The following CBLB variants were observed in gnomAD, a reference collection of about 807,000 sequenced individuals.
The protein encoded by CBLB is E3 ubiquitin-protein ligase CBL-B.
In CBLB, 31 loss-of-function variants were observed where a neutral mutation model predicts 104.9. The observed-to-expected ratio is 0.30, with a 90% CI of 0.22 to 0.40. The LOEUF is 0.40. Among genes scored for constraint, CBLB ranks in the 10% least tolerant of loss-of-function variants. The pLI is 1.00. For synonymous variants in CBLB, 440 were observed against 422.6 expected (o/e 1.04, Z -0.51); for missense variants, 1,062 against 1,214.6 (o/e 0.87, Z 1.87).
intron 3 of CBLB, among the ~76,000 whole-genome samples, chr3:105,787,381 C>T (rs1186629149): frequency 6.6e-6 from 1 of 152,162 alleles, no homozygotes; most frequent in East Asian, 1.9e-4. Flanking sequence ...ACAACTCTGC[C>T]CTTCACACTA....
chr3:105,760,200 A>G (rs1216482908), intron 4 of CBLB, among the ~76,000 whole-genome samples: 1 of 152,222 alleles, frequency 6.6e-6, no homozygotes, highest in Non-Finnish European at 1.5e-5. Flanking sequence ...TCATAAAATT[A>G]TTTGTACATA....
intron 12 of CBLB, among the ~76,000 whole-genome samples, chr3:105,700,331 A>G (rs1286938264): frequency 6.6e-6 from 1 of 152,118 alleles, no homozygotes; most frequent in Non-Finnish European, 1.5e-5. Flanking sequence ...TATAACAACT[A>G]TTATATTTCA....
chr3:105,721,229 G>C (rs1383234241), intron 9 of CBLB, among the ~76,000 whole-genome samples: 1 of 152,192 alleles, frequency 6.6e-6, no homozygotes, highest in South Asian at 2.1e-4. Flanking sequence ...GGCAAGACAA[G>C]GGATGCAGAG....
intron 3 of CBLB, among the ~76,000 whole-genome samples, chr3:105,788,304 A>G (rs998047219): frequency 1.3e-5 from 2 of 152,156 alleles, no homozygotes; most frequent in African/African-American, 4.8e-5. Context: ...TTATCTGCCT[A>G]TACCATTGAA....
chr3:105,826,302 C>T (rs1020692891), intron 3 of CBLB, among the ~76,000 whole-genome samples: 1 of 152,062 alleles, frequency 6.6e-6, no homozygotes, highest in Admixed American at 6.5e-5. Flanking sequence ...AGTAATAAAA[C>T]CATATAACAA....
At chr3:105,811,215 A>T (rs1381922992) in intron 3 of CBLB, among the ~76,000 whole-genome samples, 1 of 152,166 alleles carries the variant, frequency 6.6e-6, no homozygotes, top group Non-Finnish European at 1.5e-5. Flanking sequence ...ATAGAACTAA[A>T]TTTTTTGAGT....
At chr3:105,778,531 T>C (rs2079759435) in intron 3 of CBLB, among the ~76,000 whole-genome samples, 1 of 151,968 alleles carries the variant, frequency 6.6e-6, no homozygotes, top group Non-Finnish European at 1.5e-5. Flanking sequence ...TTCTATAAAA[T>C]CAATAAATTC....
At chr3:105,710,705 G>T (rs2070943207) in intron 10 of CBLB, among the ~76,000 whole-genome samples, 1 of 151,830 alleles carries the variant, frequency 6.6e-6, no homozygotes, top group Non-Finnish European at 1.5e-5. Flanking sequence ...TAACAGATGA[G>T]AACATCTTTT....
intron 14 of CBLB, among the ~76,000 whole-genome samples, chr3:105,684,925 A>C (rs909595962): frequency 2.0e-5 from 3 of 152,214 alleles, no homozygotes; most frequent in Non-Finnish European, 2.9e-5. Flanking sequence ...TAAGAGAAAC[A>C]CCTTGGTATT....
At chr3:105,825,053 T>C (rs1053600077) in intron 3 of CBLB, among the ~76,000 whole-genome samples, 4 of 152,184 alleles carry the variant, frequency 2.6e-5, no homozygotes, top group African/African-American at 7.2e-5. Flanking sequence ...AATTATAGCA[T>C]GTTTGTATAT....
intron 12 of CBLB, among the ~76,000 whole-genome samples, chr3:105,696,341 A>ATT (rs2068386234): frequency 6.6e-6 from 1 of 151,804 alleles, no homozygotes; most frequent in South Asian, 2.1e-4. Flanking sequence ...AAGATTTAAC[A>ATT]TTATGTCATT....
At chr3:105,711,397 A>T (rs751969453) in intron 10 of CBLB, among the ~76,000 whole-genome samples, 13 of 152,038 alleles carry the variant, frequency 8.6e-5, no homozygotes, top group Non-Finnish European at 1.6e-4. Flanking sequence ...TACTATTCTC[A>T]GTTTTTTCAC....
intron 3 of CBLB, among the ~76,000 whole-genome samples, chr3:105,786,760 T>C (rs944345236): frequency 6.6e-6 from 1 of 152,140 alleles, no homozygotes; most frequent in East Asian, 1.9e-4. Context: ...TATAATAGTC[T>C]CCTAAAAAAT....
In CBLB at chr3:105,836,018, A is replaced by G. The variant is rs150449562; in HGVS notation, c.419+17396T>C. Among the ~76,000 whole-genome samples the G allele has an allele frequency of 2.0e-5, 3 of 152,338 alleles. No individual in the cohort carries two copies. In the East Asian group the frequency reaches 5.8e-4, roughly 29 times the overall value. On this transcript the variant is annotated intron_variant, in intron 3 of 18. Coordinates refer to ENST00000394030, the MANE Select transcript of CBLB (RefSeq NM_170662.5). ...ACAATACATCTACACTGATCTTCCA[A>G]TATAAAGGTTACCTCGAGTGATTAG...
At chr3:105,673,173 A>G (rs1326655231) in intron 17 of CBLB, 1 of 151,054 alleles carries the variant, frequency 6.6e-6, no homozygotes, top group Non-Finnish European at 1.5e-5. Context: ...GGCACAAGCC[A>G]TTCTCTTGCC....
chr3:105,670,499 C>T (rs187442472), intron 17 of CBLB, 147 bp from the exon 18 acceptor site: 210 of 650,800 alleles, frequency 3.2e-4, no homozygotes, highest in Non-Finnish European at 3.8e-4. Flanking sequence ...CCATTTTTTA[C>T]TGCCTGCATA....
At chr3:105,787,714 T>C (rs1269209859) in intron 3 of CBLB, among the ~76,000 whole-genome samples, 5 of 152,212 alleles carry the variant, frequency 3.3e-5, no homozygotes, top group African/African-American at 9.6e-5. Flanking sequence ...GAATCTAACA[T>C]AGAAAACTCA....
intron 13 of CBLB, among the ~76,000 whole-genome samples, chr3:105,690,586 G>A (rs2067554781): frequency 6.6e-6 from 1 of 152,160 alleles, no homozygotes; most frequent in African/African-American, 2.4e-5. Flanking sequence ...CACTTTGGGA[G>A]TGTGAGGCGG....
At chr3:105,729,840 G>C (rs560516850) in intron 9 of CBLB, among the ~76,000 whole-genome samples, 1 of 152,020 alleles carries the variant, frequency 6.6e-6, no homozygotes, top group Non-Finnish European at 1.5e-5. Flanking sequence ...AAATACCAGA[G>C]GCATTTTGCA....
Sources: allele counts gnomAD v4.1 joint callset (sites outside exome capture counted in the v4.1 genomes callset), GRCh38; gene constraint gnomAD v4.1.1; transcripts MANE v1.5; gene names NCBI Gene and HGNC (gene_info 2026-07-23, HGNC 2026-07-21).